The following VDAC1 variants were observed in gnomAD, a reference collection of about 807,000 sequenced individuals.
The protein encoded by VDAC1 is non-selective voltage-gated ion channel VDAC1.
VDAC1 carries 10 observed loss-of-function variants against 34.7 expected under a neutral mutation model. The observed-to-expected ratio is 0.29, with a 90% confidence interval of 0.18 to 0.49. The LOEUF (loss-of-function observed/expected upper bound fraction) is 0.49. VDAC1 is among the 20% of genes least tolerant of loss of function. The probability of loss-of-function intolerance (pLI) is 0.99; values close to 1 mark genes in which losing one functional copy is unlikely to be tolerated. For synonymous variants in VDAC1, 130 were observed against 136.0 expected (o/e 0.96, Z 0.30); for missense variants, 230 against 347.9 (o/e 0.66, Z 2.69).
At chr5:134,047,904 G>T in the VDAC1 span, among the ~76,000 whole-genome samples, 1 of 151,838 alleles carries the variant, frequency 6.6e-6, no homozygotes, top group South Asian at 2.1e-4. Flanking sequence ...TGCATCATAA[G>T]AGGCTAGTCA....
the VDAC1 span, among the ~76,000 whole-genome samples, chr5:134,093,358 A>AGT: frequency 0.15 from 23,026 of 151,386 alleles, 3,004 homozygotes; most frequent in African/African-American, 0.35. Context: ...CACGCATATA[A>AGT]GTGTGTGTGT....
chr5:133,986,052 A>G (rs1352600005), intron 5 of VDAC1, among the ~76,000 whole-genome samples: 1 of 152,222 alleles, frequency 6.6e-6, no homozygotes, highest in African/African-American at 2.4e-5. Flanking sequence ...ACTGCACACC[A>G]TGTCTGTGGA....
Position 133,990,990 on chromosome 5 carries a change from A to G in VDAC1, c.270+12T>C, listed in dbSNP as rs1046539266. The G allele has an allele frequency of 6.2e-7, 1 of 1,613,630 alleles. No individual in the cohort carries two copies. On this transcript the variant is annotated intron_variant, in intron 4 of 8. Transcript: ENST00000265333. ...AATTAATAAATCCACATCTTTTCAC[A>G]GCAGCCATTACCTGATCTTCCACAG...
At chr5:134,024,476 C>G in the VDAC1 span, among the ~76,000 whole-genome samples, 1 of 150,844 alleles carries the variant, frequency 6.6e-6, no homozygotes, top group Non-Finnish European at 1.5e-5. Flanking sequence ...TTGCAGTGAG[C>G]CGAGCTTGCA....
At chr5:134,033,493 G>C in the VDAC1 span, among the ~76,000 whole-genome samples, 3 of 151,826 alleles carry the variant, frequency 2.0e-5, no homozygotes, top group African/African-American at 4.8e-5. Context: ...TCTTGGCCTA[G>C]AGCGGCAGGC....
intron 1 of VDAC1, among the ~76,000 whole-genome samples, chr5:133,999,430 G>A (rs767528573): frequency 6.6e-6 from 1 of 152,204 alleles, no homozygotes; most frequent in East Asian, 1.9e-4. Context: ...TGGATACTCT[G>A]TCTGCCCCTC....
chr5:134,040,887 T>C, the VDAC1 span, among the ~76,000 whole-genome samples: 3 of 152,208 alleles, frequency 2.0e-5, no homozygotes, highest in Non-Finnish European at 2.9e-5. Flanking sequence ...TTCCCAGGAA[T>C]TACACATGGA....
chr5:134,047,266 T>C, the VDAC1 span, among the ~76,000 whole-genome samples: 3 of 151,954 alleles, frequency 2.0e-5, no homozygotes, highest in African/African-American at 7.2e-5. Context: ...CCCTGGTTAA[T>C]AAAAGGTTGG....
the VDAC1 span, among the ~76,000 whole-genome samples, chr5:134,102,395 G>A: frequency 6.7e-6 from 1 of 150,348 alleles, no homozygotes; most frequent in Non-Finnish European, 1.5e-5. Flanking sequence ...TAGGCCTGGC[G>A]CGGTGGCTCA....
the VDAC1 span, among the ~76,000 whole-genome samples, chr5:134,072,619 T>C: frequency 5.3e-5 from 8 of 152,250 alleles, no homozygotes; most frequent in East Asian, 1.2e-3. Flanking sequence ...GCCCATTGGG[T>C]CTGACCATCA....
chr5:134,026,535 A>C, the VDAC1 span, among the ~76,000 whole-genome samples: 18 of 151,618 alleles, frequency 1.2e-4, no homozygotes, highest in East Asian at 7.7e-4. Context: ...AAAAAAAAAA[A>C]AAAACACTAA....
chr5:134,000,999 ACT>A (rs1361737189), intron 1 of VDAC1, among the ~76,000 whole-genome samples: 1 of 152,136 alleles, frequency 6.6e-6, no homozygotes, highest in Non-Finnish European at 1.5e-5. Context: ...ACTCAGCACC[ACT>A]GTCCTTGCAA....
chr5:134,055,589 T>TTTTTGTTTTTTTTTTTGTTTTTG, the VDAC1 span, among the ~76,000 whole-genome samples: 2 of 20,404 alleles, frequency 9.8e-5, no homozygotes, highest in African/African-American at 3.9e-4. Flanking sequence ...CCCGCTAATG[T>TTTTTGTTTTTTTTTTTGTTTTTG]TTTTTTTTTT....
At chr5:134,026,949 G>A in the VDAC1 span, among the ~76,000 whole-genome samples, 2 of 152,208 alleles carry the variant, frequency 1.3e-5, no homozygotes, top group Admixed American at 1.3e-4. Context: ...AGAGCGTTAG[G>A]CTGGTTTTCT....
Position 133,986,552 on chromosome 5 carries a change from A to C in VDAC1, c.323+4303T>G, listed in dbSNP as rs10428585. Reference sequence around the variant, plus strand: ...GCTGGGATTACAGGTGTGCGCCACCACACCCAGCTAATTTTTGTATTTTTA... The same window carrying C: ...GCTGGGATTACAGGTGTGCGCCACCCCACCCAGCTAATTTTTGTATTTTTA... On this transcript the variant is annotated intron_variant, in intron 5 of 8. Coordinates refer to ENST00000265333, the MANE Select transcript of VDAC1 (RefSeq NM_003374.3). Among the ~76,000 whole-genome samples the C allele has an allele frequency of 5.6e-3, 844 of 152,030 alleles. 7 individuals carry two copies. The highest frequency in any genetic ancestry group is 0.019 in the African/African-American group (793 of 41,430).
the VDAC1 span, among the ~76,000 whole-genome samples, chr5:134,023,916 T>C: frequency 1.3e-5 from 2 of 150,880 alleles, no homozygotes; most frequent in Non-Finnish European, 2.9e-5. Context: ...GCAGATCACC[T>C]GAGGTCAGGA....
intron 5 of VDAC1, 40 bp from the exon 6 acceptor site, chr5:133,980,996 C>G: frequency 6.6e-7 from 1 of 1,513,280 alleles, no homozygotes. Context: ...GAAGCTAACT[C>G]ACCTTGAAAT....
chr5:133,981,205 A>C (rs1446811692), intron 5 of VDAC1, among the ~76,000 whole-genome samples: 1 of 152,172 alleles, frequency 6.6e-6, no homozygotes, highest in Admixed American at 6.5e-5. Context: ...CTGAAAAATA[A>C]ATACGAAGTA....
Position 133,972,579 on chromosome 5 carries a change from C to A in VDAC1, c.*192G>T. The A allele has an allele frequency of 4.0e-6, 2 of 505,998 alleles. No individual in the cohort carries two copies. The highest frequency in any genetic ancestry group is 6.9e-6 in the Non-Finnish European group (2 of 288,264). 31.3% of individuals were successfully genotyped at this position (505,998 alleles called of 1,614,324 possible). On this transcript the variant is annotated 3_prime_UTR_variant, in exon 9 of 9. Transcript: ENST00000265333. Reference sequence around the variant, plus strand: ...CTCCCCGAGTCTACCACTGAAAGGACCTTTTTTGGAAATAGGTTTCTTCTG... The same window carrying A: ...CTCCCCGAGTCTACCACTGAAAGGAACTTTTTTGGAAATAGGTTTCTTCTG...
Sources: allele counts gnomAD v4.1 joint callset (sites outside exome capture counted in the v4.1 genomes callset), GRCh38; gene constraint gnomAD v4.1.1; transcripts MANE v1.5; gene names NCBI Gene and HGNC (gene_info 2026-07-23, HGNC 2026-07-21).